Variants in CTTNBP2 observed in about 807,000 individuals in gnomAD.
CTTNBP2 encodes cortactin-binding protein 2.
Under a neutral mutation model 156.9 loss-of-function variants are expected in CTTNBP2, and 108 were observed. That is an observed-to-expected ratio of 0.69 (90% CI 0.59 to 0.81). The LOEUF (loss-of-function observed/expected upper bound fraction) is 0.81, where lower values mean the gene tolerates loss of function less well. CTTNBP2 is among the 30% of genes least tolerant of loss of function. CTTNBP2 has a pLI of 0.00. For synonymous variants in CTTNBP2, 767 were observed against 751.8 expected (o/e 1.02, Z -0.33); for missense variants, 1,924 against 2,035.4 (o/e 0.95, Z 1.05).
At chr7:117,809,907 G>A (rs1315535506) in intron 3 of CTTNBP2, among the ~76,000 whole-genome samples, 1 of 152,254 alleles carries the variant, frequency 6.6e-6, no homozygotes, top group East Asian at 1.9e-4. Flanking sequence ...GAACATATTA[G>A]TTTTAATTTT....
intron 1 of CTTNBP2, among the ~76,000 whole-genome samples, chr7:117,873,105 G>C (rs1458063595): frequency 1.3e-5 from 2 of 152,200 alleles, no homozygotes; most frequent in Non-Finnish European, 2.9e-5. Flanking sequence ...GCTTCCCGTG[G>C]GGCGCGGAAG....
chr7:117,859,470 C>T (rs957089098), intron 2 of CTTNBP2, among the ~76,000 whole-genome samples: 2 of 152,120 alleles, frequency 1.3e-5, no homozygotes, highest in Non-Finnish European at 2.9e-5. Context: ...AGTGCTGATG[C>T]CTTTCACAAG....
intron 2 of CTTNBP2, among the ~76,000 whole-genome samples, chr7:117,842,360 C>G (rs1274832525): frequency 6.6e-6 from 1 of 152,076 alleles, no homozygotes; most frequent in Non-Finnish European, 1.5e-5. Context: ...GCCACCACAT[C>G]TGGCTAATTT....
chr7:117,767,433 GA>G (rs1047890159), intron 8 of CTTNBP2, among the ~76,000 whole-genome samples: 4 of 150,508 alleles, frequency 2.7e-5, no homozygotes, highest in East Asian at 1.9e-4. Context: ...TAGGTTGCAA[GA>G]AAAAAAAATA....
intron 2 of CTTNBP2, among the ~76,000 whole-genome samples, chr7:117,841,720 C>A (rs912302474): frequency 4.6e-5 from 7 of 152,186 alleles, no homozygotes; most frequent in Non-Finnish European, 1.0e-4. Context: ...ATTAAATAGG[C>A]ATGATGAATG....
At chr7:117,819,581 C>T (rs571335975) in intron 2 of CTTNBP2, among the ~76,000 whole-genome samples, 31 of 151,972 alleles carry the variant, frequency 2.0e-4, no homozygotes, top group Non-Finnish European at 3.1e-4. Flanking sequence ...GAGAAAAGAA[C>T]GGAAGGGTTC....
intron 2 of CTTNBP2, among the ~76,000 whole-genome samples, chr7:117,817,351 AAAAAAAAAAAATAT>A (rs1175668688): frequency 4.2e-5 from 2 of 47,306 alleles, no homozygotes; most frequent in South Asian, 5.6e-4. Context: ...AAAAAAAAAA[AAAAAAAAAAAATAT>A]ATATATATAT....
Position 117,780,432 on chromosome 7 carries a change from G to A in CTTNBP2, c.2523+9C>T. 2 of 1,535,480 alleles carry A rather than the reference G, an allele frequency of 1.3e-6. No homozygotes were observed. The highest frequency in any genetic ancestry group is 1.7e-6 in the Non-Finnish European group (2 of 1,144,674). On this transcript the variant is annotated intron_variant, in intron 7 of 22. Transcript: ENST00000160373. ...ATATACAGGGGGAAAAAAACAGACTGCTACTCACTGTGGTTTTTACACTTC... is the reference window on the plus strand; with the variant it reads ...ATATACAGGGGGAAAAAAACAGACTACTACTCACTGTGGTTTTTACACTTC...
intron 3 of CTTNBP2, among the ~76,000 whole-genome samples, chr7:117,795,851 A>C (rs1451038718): frequency 2.0e-5 from 3 of 152,220 alleles, no homozygotes; most frequent in Non-Finnish European, 4.4e-5. Context: ...GCACAGAGGA[A>C]ACCTCACAAT....
chr7:117,807,635 T>G (rs1800027555), intron 3 of CTTNBP2, among the ~76,000 whole-genome samples: 1 of 152,170 alleles, frequency 6.6e-6, no homozygotes, highest in South Asian at 2.1e-4. Context: ...GAAATGCACC[T>G]GTCTTAGGCT....
rs143151242 is a variant in CTTNBP2 at position 117,792,048 on chromosome 7, T to C, written c.1148A>G (p.Glu383Gly). ...FPPPSANKIE[E>G]NGPSTGSTPD... is the part of the protein sequence containing the mutation. The stretch of plus-strand genomic sequence containing the variant: ...TGTTGAGCCAGTGCTTGGTCCATTT[T>C]CCTCAATTTTGTTTGCACTTGGAGG... The change falls in exon 4 of 23, where the codon GAA becomes GGA. Residue 383 changes from glutamate (E) to glycine (G), a missense_variant. Glu to Gly is a moderately conservative substitution (Grantham distance 98). Coordinates refer to ENST00000160373, the MANE Select transcript of CTTNBP2 (RefSeq NM_033427.3). The surrounding 1 kb of genome is among the most constrained non-coding windows in gnomAD (Gnocchi z 4.2). 1.4e-5 allele frequency: 23 copies of C among 1,613,994 alleles called. No individual in the cohort carries two copies. Among genetic ancestry groups the C allele is most frequent in the Non-Finnish European group, 1.9e-5 (23 of 1,180,020 alleles).
chr7:117,721,183 A>C, intron 19 of CTTNBP2, 53 bp from the exon 20 acceptor site: 2 of 1,048,992 alleles, frequency 1.9e-6, no homozygotes, highest in South Asian at 1.3e-5. Context: ...TGCCTCTTGA[A>C]TTCTGTATTT....
In CTTNBP2 at chr7:117,729,597, A is replaced by G. The variant is rs75470682; in HGVS notation, c.3877-1330T>C. On this transcript the variant is annotated intron_variant, in intron 16 of 22. Transcript: ENST00000160373. ...AAGAAAAGGTGTGAAAAGCTAATGA[A>G]GAGCAAGTGGTCAGTTCTGGTGCGG... Among the ~76,000 whole-genome samples, 619 of 152,332 alleles carry G rather than the reference A, an allele frequency of 4.1e-3. 14 individuals are homozygous for G. Among genetic ancestry groups the G allele is most frequent in the East Asian group, 4.0e-3 (21 of 5,188 alleles).
intron 2 of CTTNBP2, among the ~76,000 whole-genome samples, chr7:117,822,901 T>C (rs1801051868): frequency 6.6e-6 from 1 of 151,914 alleles, no homozygotes; most frequent in African/African-American, 2.4e-5. Context: ...CTGAGTTTTC[T>C]AGCTGTTCAA....
rs548237110 is a variant in CTTNBP2, at chr7:117,792,736, T to G, written c.460A>C (p.Lys154Gln). The change falls in exon 4 of 23, where the codon AAG becomes CAG. Residue 154 changes from lysine to glutamine, a missense_variant. Transcript: ENST00000160373. This position sits in a 1 kb window ranked among gnomAD's most constrained non-coding sequence, Gnocchi z 4.2. ...LQLQALEQEH[K>Q]KLAARLEEER... ...TCCTCAAGGCGGGCAGCCAGCTTCT[T>G]GTGCTCTTGCTCAAGGGCTTGTAGC... 3.7e-6 allele frequency: 6 copies of G among 1,606,244 alleles called. No individual in the cohort carries two copies. The South Asian group carries it at 5.6e-5, about 15-fold the overall frequency.
intron 16 of CTTNBP2, among the ~76,000 whole-genome samples, chr7:117,731,717 T>A (rs1387980864): frequency 6.6e-6 from 1 of 152,192 alleles, no homozygotes; most frequent in East Asian, 1.9e-4. Context: ...AAGTTCTAAG[T>A]CTGGATGACT....
intron 1 of CTTNBP2, among the ~76,000 whole-genome samples, chr7:117,871,371 T>C (rs1804586679): frequency 6.6e-6 from 1 of 152,222 alleles, no homozygotes; most frequent in African/African-American, 2.4e-5. Flanking sequence ...AAAATTTTAC[T>C]AAAAATTCAG....
chr7:117,750,142 G>A (rs771213648), intron 12 of CTTNBP2, among the ~76,000 whole-genome samples: 1 of 152,096 alleles, frequency 6.6e-6, no homozygotes, highest in African/African-American at 2.4e-5. Context: ...AACTAGCGTG[G>A]CTATTTAATC....
Position 117,767,186 on chromosome 7 carries a change from C to A in CTTNBP2, c.2779-10G>T. 1 of 1,461,738 alleles carries A rather than the reference C, an allele frequency of 6.8e-7. No individual in the cohort carries two copies. The highest frequency in any genetic ancestry group is 9.6e-7 in the Non-Finnish European group (1 of 1,040,890). The allele number at this position is 1,461,738 out of a possible 1,614,324, so 90.5% of individuals were successfully genotyped here. On this transcript the variant is annotated splice_polypyrimidine_tract_variant and intron_variant, in intron 8 of 22. Transcript: ENST00000160373. ...AGATTTCTAGGCAGTTCTATAAAGA[C>A]AAGAGCTCTATTACCTCCAAGTCCA...
Sources: allele counts gnomAD v4.1 joint callset (sites outside exome capture counted in the v4.1 genomes callset), GRCh38; gene constraint gnomAD v4.1.1; non-coding constraint Gnocchi (gnomAD v3.1); transcripts MANE v1.5; gene names NCBI Gene and HGNC (gene_info 2026-07-23, HGNC 2026-07-21).